The following DMWD variants were observed in gnomAD, a reference collection of about 807,000 sequenced individuals.
The protein encoded by DMWD is DM1 locus, WD repeat containing.
A neutral mutation model predicts 45.8 loss-of-function variants in DMWD; 19 were observed. The observed-to-expected ratio is 0.41, with a 90% CI of 0.29 to 0.61. The LOEUF (loss-of-function observed/expected upper bound fraction) is 0.61, where lower values mean the gene tolerates loss of function less well. Among genes scored for constraint, DMWD ranks in the 20% least tolerant of loss-of-function variants. DMWD has a pLI of 0.25. For missense variants in DMWD, 802 were observed against 965.2 expected (o/e 0.83, Z 2.24); for synonymous variants, 515 against 440.5 (o/e 1.17, Z -2.12).
intron 2 of DMWD, 78 bp from the exon 3 acceptor site, chr19:45,786,949 A>G: frequency 6.5e-7 from 1 of 1,533,992 alleles, no homozygotes; most frequent in Non-Finnish European, 8.8e-7. Flanking sequence ...AAAGTCCCCA[A>G]GAAGGCCGTT....
At chr19:45,784,414 C>T (rs1970238616) in intron 4 of DMWD, 124 bp from the exon 5 acceptor site, 2 of 1,241,512 alleles carry the variant, frequency 1.6e-6, no homozygotes, top group Non-Finnish European at 2.2e-6. Context: ...GCCCTTGGGT[C>T]CGCCCTAGAC....
intron 2 of DMWD, 171 bp downstream of exon 2, chr19:45,790,734 G>T: frequency 1.6e-6 from 1 of 642,312 alleles, no homozygotes; most frequent in South Asian, 2.2e-5. Context: ...ACAGCACAGG[G>T]CCTGGGTACA....
chr19:45,786,238 G>A lies in DMWD; in HGVS notation c.1258C>T (p.Pro420Ser), dbSNP rs1439875544. ...GTAATGGAGCCAGCCTTGGGCAGTG[G>A]AGAGAGCGGGGCGCCCCCGGCCGAG... The part of the protein sequence containing the change: ...TGSAGGAPLS[P>S]LPKAGSITYR... The change falls in exon 3 of 5, where the codon CCA (proline) becomes TCA (serine). Residue 420 changes from proline to serine, a missense_variant. Coordinates refer to ENST00000270223, the MANE Select transcript of DMWD (RefSeq NM_004943.2). 5.6e-6 allele frequency: 9 copies of A among 1,610,384 alleles called. No homozygotes were observed. Among genetic ancestry groups the A allele is most frequent in the Admixed American group, 1.7e-5 (1 of 59,834 alleles).
At position 45,786,006 on chromosome 19, in the gene DMWD, G is replaced by A. The variant is rs1310462665; in HGVS notation, c.1490C>T (p.Pro497Leu). 5 of 1,565,650 alleles carry A rather than the reference G, an allele frequency of 3.2e-6. No homozygotes were observed. The highest frequency in any genetic ancestry group is 2.7e-5 in the African/African-American group (2 of 73,776). ...PRSLSRSNSLPHPAGGGKAGG... is the reference protein window; with the variant it reads ...PRSLSRSNSLLHPAGGGKAGG... Reference sequence around the variant, plus strand: ...CGCCTTGCCCCCGCCAGCTGGGTGCGGGAGACTGTTGGAGCGGGACAGCGA... The same window carrying A: ...CGCCTTGCCCCCGCCAGCTGGGTGCAGGAGACTGTTGGAGCGGGACAGCGA... Residue 497 changes from proline to leucine, a missense_variant, in exon 3 of 5, where the codon CCG (proline) becomes CTG (leucine). Around this residue, in one of 9 missense-constraint regions of DMWD, gnomAD observed 303 missense variants for 332.9 expected, o/e 0.91. Transcript: ENST00000270223.
At chr19:45,792,246 G>A (rs931982534) in intron 1 of DMWD, 70 bp downstream of exon 1, 1 of 1,528,432 alleles carries the variant, frequency 6.5e-7, no homozygotes, top group Non-Finnish European at 8.8e-7. Context: ...TCAATTCGGG[G>A]ACCCTCCTAT....
rs571280132 is a variant in DMWD, at chr19:45,786,830, C to T, written c.666G>A (p.Leu222=). 8 of 1,614,118 alleles carry T rather than the reference C, an allele frequency of 5.0e-6. No individual in the cohort carries two copies. The South Asian group carries it at 8.8e-5, about 18-fold the overall frequency. The stretch of plus-strand genomic sequence containing the variant: ...CCAGGAACAGGCTCTCCGACTCAGG[C>T]AGCCACTTCAGATATGTCACCTTGG... ...DKTKVTYLKW[L]PESESLFLAS... Residue 222 remains leucine (L), a synonymous_variant, in exon 3 of 5, where the codon CTG becomes CTA. Coordinates refer to ENST00000270223, the MANE Select transcript of DMWD (RefSeq NM_004943.2).
rs1380357294 is a variant in DMWD at position 45,792,521 on chromosome 19, G to A, written c.236C>T (p.Ser79Phe). Residue 79 changes from serine to phenylalanine, a missense_variant, in exon 1 of 5, where the codon TCC becomes TTC. By Grantham distance (155) the Ser-to-Phe change is radical (BLOSUM62 -2). Coordinates refer to ENST00000270223, the MANE Select transcript of DMWD (RefSeq NM_004943.2). The part of the protein sequence containing the change: ...SGPGAAGPAS[S>F]PPPAGPGPGP... The stretch of plus-strand genomic sequence containing the variant: ...GGGTCCGGGGCCTGCGGGCGGCGGG[G>A]ACGACGCGGGGCCTGCAGCGCCGGG... 1 of 1,135,986 alleles carries A rather than the reference G, an allele frequency of 8.8e-7. No individual in the cohort carries two copies. The highest frequency in any genetic ancestry group is 1.7e-5 in the African/African-American group (1 of 60,532). 70.4% of individuals were successfully genotyped at this position (1,135,986 alleles called of 1,614,324 possible). A position where few individuals can be genotyped will look rare whatever the true frequency, so the allele number is the denominator to read the frequency against.
At chr19:45,784,458 G>T in intron 4 of DMWD, 168 bp from the exon 5 acceptor site, 1 of 1,278,018 alleles carries the variant, frequency 7.8e-7, no homozygotes. Flanking sequence ...CTGGGAACTT[G>T]CATCTTAGCT....
Position 45,783,582 on chromosome 19 carries a change from C to A in DMWD, c.*661G>T. On this transcript the variant is annotated 3_prime_UTR_variant, in exon 5 of 5. Transcript: ENST00000270223. ...CTCGCAGGTCCGTTCCCTCCCTGGG[C>A]TCCGGCTTTTCCTGCTATGAAAAGG... is the stretch of plus-strand genomic sequence containing the variant. 2.5e-6 allele frequency: 1 copy of A among 398,802 alleles called. No individual in the cohort carries two copies. Among genetic ancestry groups the A allele is most frequent in the Non-Finnish European group, 4.4e-6 (1 of 226,234 alleles). 24.7% of individuals were successfully genotyped at this position (398,802 alleles called of 1,614,324 possible).
In DMWD at chr19:45,791,091, G is replaced by A; in HGVS notation, c.442-4C>T. On this transcript the variant is annotated splice_region_variant and splice_polypyrimidine_tract_variant and intron_variant, in intron 1 of 4. Transcript: ENST00000270223. The stretch of plus-strand genomic sequence containing the variant: ...TTGGCTTGTTGAGGTCAATGGACTT[G>A]AGGGGTGGGAGAAAAGGAGTTAATG... 6.2e-7 allele frequency: 1 copy of A among 1,605,172 alleles called. No individual in the cohort carries two copies. Among genetic ancestry groups the A allele is most frequent in the Non-Finnish European group, 8.5e-7 (1 of 1,175,362 alleles).
chr19:45,787,887 G>A (rs1970302881), intron 2 of DMWD, among the ~76,000 whole-genome samples: 1 of 152,076 alleles, frequency 6.6e-6, no homozygotes, highest in Admixed American at 6.6e-5. Flanking sequence ...CCAATATGGT[G>A]AAATACAAGT....
chr19:45,784,623 A>T lies in DMWD; in HGVS notation c.1977+18T>A. On this transcript the variant is annotated intron_variant, in intron 4 of 4. Transcript: ENST00000270223. ...GGGACCCTGAGGTGCTGGGGAAAGA[A>T]CTCAGGGACAGTCCTACCTCTACCA... The T allele has an allele frequency of 6.2e-7, 1 of 1,613,846 alleles. No individual in the cohort carries two copies.
In DMWD at chr19:45,785,017, CCCAT is replaced by C. The variant is rs1970251940; in HGVS notation, c.1903-306_1903-303del. On this transcript the variant is annotated intron_variant, in intron 3 of 4. Transcript: ENST00000270223. ...AGGAGGCAAGCACATCCACCCACTG[CCCAT>C]CCTACAGGCTCTGTTCTAAGAGGTG... is the stretch of plus-strand genomic sequence containing the variant. Among the ~76,000 whole-genome samples the C allele has an allele frequency of 7.2e-5, 11 of 152,308 alleles. No homozygotes were observed. The South Asian group carries it at 2.3e-3, about 32-fold the overall frequency.
chr19:45,792,794 C>A lies in DMWD; in HGVS notation c.-38G>T, dbSNP rs1463648165. On this transcript the variant is annotated 5_prime_UTR_variant, in exon 1 of 5. Coordinates refer to ENST00000270223, the MANE Select transcript of DMWD (RefSeq NM_004943.2). ...CCGGGCCCCGCCACTGCCGGACTGC[C>A]GCCCGCAGCCGGGCCCCCTCCCGGA... 4 of 1,095,996 alleles carry A rather than the reference C, an allele frequency of 3.6e-6. No individual in the cohort carries two copies. Among genetic ancestry groups the A allele is most frequent in the Non-Finnish European group, 4.4e-6 (4 of 901,990 alleles). The allele number at this position is 1,095,996 out of a possible 1,614,324, so 67.9% of individuals were successfully genotyped here. A position where few individuals can be genotyped will look rare whatever the true frequency, so the allele number is the denominator to read the frequency against.
rs1444035415 is a variant in DMWD, at chr19:45,792,580, C to T, written c.177G>A (p.Pro59=). Residue 59 remains proline (P), a synonymous_variant, in exon 1 of 5, where the codon CCG becomes CCA. Coordinates refer to ENST00000270223, the MANE Select transcript of DMWD (RefSeq NM_004943.2). ...SAQTPVPPQP[P]QPPPGPASAS... ...CGGAGGCAGGGCCGGGCGGGGGCTG[C>T]GGTGGCTGAGGCGGCACCGGAGTCT... 3.9e-6 allele frequency: 5 copies of T among 1,280,524 alleles called. No homozygotes were observed. Among genetic ancestry groups the T allele is most frequent in the East Asian group, 4.0e-5 (1 of 25,190 alleles). The allele number at this position is 1,280,524 out of a possible 1,614,324, so 79.3% of individuals were successfully genotyped here. A position where few individuals can be genotyped will look rare whatever the true frequency, so the allele number is the denominator to read the frequency against.
At position 45,784,201 on chromosome 19, in the gene DMWD, A is replaced by C. The variant is rs759802784; in HGVS notation, c.*42T>G. The C allele has an allele frequency of 3.8e-6, 5 of 1,318,014 alleles. No homozygotes were observed. Among genetic ancestry groups the C allele is most frequent in the Non-Finnish European group, 4.0e-6 (4 of 1,000,038 alleles). The allele number at this position is 1,318,014 out of a possible 1,614,324, so 81.6% of individuals were successfully genotyped here. On this transcript the variant is annotated 3_prime_UTR_variant, in exon 5 of 5. Transcript: ENST00000270223. Reference sequence around the variant, plus strand: ...GTCAGCAGGGAGGGTTATGGCTAGGAGGCTGGGGGCATGGGGTTGGGGGGG... The same window carrying C: ...GTCAGCAGGGAGGGTTATGGCTAGGCGGCTGGGGGCATGGGGTTGGGGGGG...
chr19:45,783,850 G>A lies in DMWD; in HGVS notation c.*393C>T. 6.5e-6 allele frequency: 3 copies of A among 462,580 alleles called. No individual in the cohort carries two copies. Among genetic ancestry groups the A allele is most frequent in the South Asian group, 4.7e-5 (1 of 21,414 alleles). The allele number at this position is 462,580 out of a possible 1,614,324, so 28.7% of individuals were successfully genotyped here. ...ACAATAGCAAGGGCAGCTGGGGTGG[G>A]GGCCGGGCGAGGGCTGGACCACCCC... On this transcript the variant is annotated 3_prime_UTR_variant, in exon 5 of 5. Transcript: ENST00000270223.
Position 45,783,896 on chromosome 19 carries a change from A to G in DMWD, c.*347T>C. On this transcript the variant is annotated 3_prime_UTR_variant, in exon 5 of 5. Coordinates refer to ENST00000270223, the MANE Select transcript of DMWD (RefSeq NM_004943.2). The stretch of plus-strand genomic sequence containing the variant: ...ACCCCCGGCCCTGCCCACTCAACTG[A>G]GGGGCACACTGCAGACCTGGGGCTC... 2.0e-6 allele frequency: 1 copy of G among 509,490 alleles called. No homozygotes were observed. The highest frequency in any genetic ancestry group is 3.4e-6 in the Non-Finnish European group (1 of 292,688). The allele number at this position is 509,490 out of a possible 1,614,324, so 31.6% of individuals were successfully genotyped here. A position where few individuals can be genotyped will look rare whatever the true frequency, so the allele number is the denominator to read the frequency against.
intron 2 of DMWD, chr19:45,789,264 G>C (rs1970322925): frequency 6.6e-6 from 1 of 152,212 alleles, no homozygotes; most frequent in Non-Finnish European, 1.5e-5. Context: ...ATTTGTGAAT[G>C]GATGAGCTAA....
Sources: allele counts gnomAD v4.1 joint callset (sites outside exome capture counted in the v4.1 genomes callset), GRCh38; gene constraint gnomAD v4.1.1; regional missense constraint gnomAD v4.1.1; transcripts MANE v1.5; gene names NCBI Gene and HGNC (gene_info 2026-07-23, HGNC 2026-07-21).